The following PSD3 variants were observed in gnomAD, a reference collection of about 807,000 sequenced individuals.
PSD3 encodes the protein PH and SEC7 domain-containing protein 3.
PSD3 carries 49 observed loss-of-function variants against 105.5 expected under a neutral mutation model. That is an observed-to-expected ratio of 0.46 (90% CI 0.37 to 0.59). The LOEUF is 0.59. Ranked by LOEUF, PSD3 falls within the 20% of genes least tolerant of loss-of-function variation. The pLI, the probability that PSD3 is intolerant of heterozygous loss-of-function variation, is 0.00. For synonymous variants in PSD3, 557 were observed against 457.8 expected, an observed-to-expected ratio of 1.22 and a Z score of -2.77; for missense variants, 1,561 against 1,263.8, an observed-to-expected ratio of 1.24 and a Z score of -3.57.
intron 9 of PSD3, among the ~76,000 whole-genome samples, chr8:18,668,140 C>T (rs1025299718): frequency 6.6e-6 from 1 of 152,212 alleles, no homozygotes; most frequent in African/African-American, 2.4e-5. Flanking sequence ...CACAGTGCAG[C>T]GGCAGGCTGA....
intron 1 of PSD3, among the ~76,000 whole-genome samples, chr8:18,974,520 T>C (rs767193401): frequency 2.0e-5 from 3 of 152,156 alleles, no homozygotes; most frequent in African/African-American, 7.2e-5. Flanking sequence ...TACCAAATCC[T>C]GTGCCATTCG....
chr8:18,778,641 G>GTT (rs113707788), intron 8 of PSD3, among the ~76,000 whole-genome samples: 4 of 151,616 alleles, frequency 2.6e-5, no homozygotes, highest in African/African-American at 7.3e-5. Context: ...AATTTATTGA[G>GTT]TTTTTTTATT....
At chr8:18,936,269 T>C in intron 1 of PSD3, 127 bp from the exon 2 acceptor site, 1 of 617,566 alleles carries the variant, frequency 1.6e-6, no homozygotes, top group East Asian at 2.6e-5. Flanking sequence ...TATCTAACCA[T>C]TCAAAATGAA....
intron 2 of PSD3, among the ~76,000 whole-genome samples, chr8:18,920,788 A>G (rs1820959961): frequency 6.6e-6 from 1 of 152,118 alleles, no homozygotes; most frequent in Admixed American, 6.5e-5. Context: ...ATCACCACCT[A>G]TTAAAGGCTA....
At chr8:18,684,378 T>C (rs926944581) in intron 9 of PSD3, among the ~76,000 whole-genome samples, 4 of 152,000 alleles carry the variant, frequency 2.6e-5, no homozygotes, top group African/African-American at 9.7e-5. Context: ...AACAACCAAA[T>C]AGAGATACCA....
Position 18,938,296 on chromosome 8 carries a change from TAC to T in PSD3, c.22-2156_22-2155del, listed in dbSNP as rs574111171. Among the ~76,000 whole-genome samples the T allele has an allele frequency of 1.7e-3, 255 of 152,224 alleles. 1 individual carries two copies. Among genetic ancestry groups the T allele is most frequent in the African/African-American group, 6.0e-3 (248 of 41,556 alleles). On this transcript the variant is annotated intron_variant, in intron 1 of 15. Coordinates refer to ENST00000327040, the MANE Select transcript of PSD3 (RefSeq NM_015310.4). ...TTAAAATATATTTTGTAGGAAGAAT[TAC>T]ACAGTTTTCTGATAAACTGGATTTA...
intron 11 of PSD3, among the ~76,000 whole-genome samples, chr8:18,601,524 T>C (rs969299351): frequency 2.0e-5 from 3 of 152,150 alleles, no homozygotes; most frequent in South Asian, 4.1e-4. Flanking sequence ...ACTAGGTGAA[T>C]AGCCACTTAC....
At chr8:18,988,593 T>G (rs1265852768) in intron 1 of PSD3, among the ~76,000 whole-genome samples, 1 of 138,226 alleles carries the variant, frequency 7.2e-6, no homozygotes, top group Non-Finnish European at 1.7e-5. Context: ...AACTCAAAAA[T>G]GCTCACCCAA....
chr8:18,557,757 C>A (rs954796070), intron 14 of PSD3, among the ~76,000 whole-genome samples: 1 of 152,144 alleles, frequency 6.6e-6, no homozygotes, highest in Non-Finnish European at 1.5e-5. Context: ...ATCTCCAAAC[C>A]TATTATTTGT....
chr8:18,905,137 G>A (rs1393312406), intron 2 of PSD3, among the ~76,000 whole-genome samples: 2 of 152,192 alleles, frequency 1.3e-5, no homozygotes, highest in Non-Finnish European at 2.9e-5. Context: ...AATCCAAGCT[G>A]TTAACCATTA....
chr8:18,769,567 A>C (rs77551787), intron 8 of PSD3, among the ~76,000 whole-genome samples: 3,656 of 152,264 alleles, frequency 0.024, 114 homozygotes, highest in African/African-American at 0.075. Flanking sequence ...CACCACCACT[A>C]TCTACATTCA....
chr8:18,714,632 A>G (rs1328530510), intron 9 of PSD3, among the ~76,000 whole-genome samples: 1 of 152,226 alleles, frequency 6.6e-6, no homozygotes, highest in African/African-American at 2.4e-5. Context: ...AAGAAACAAC[A>G]GATGCTGGTG....
rs1439922389 is a variant in PSD3 at position 18,698,442 on chromosome 8, T to C, written c.2173-42757A>G. On this transcript the variant is annotated intron_variant, in intron 9 of 15. Transcript: ENST00000327040. ...CCTCACAGCGTTCTTACAAAAGAGG[T>C]TGGAGGTTCAGAGTCAGAGAAGACG... Among the ~76,000 whole-genome samples, 12 of 151,754 alleles carry C rather than the reference T, an allele frequency of 7.9e-5. No homozygotes were observed. In the South Asian group the frequency reaches 1.3e-3, roughly 16 times the overall value.
At chr8:18,745,000 G>A (rs1008941791) in intron 9 of PSD3, among the ~76,000 whole-genome samples, 1 of 152,162 alleles carries the variant, frequency 6.6e-6, no homozygotes, top group Non-Finnish European at 1.5e-5. Context: ...AATGAAGTTA[G>A]GCATTTTGGG....
intron 14 of PSD3, among the ~76,000 whole-genome samples, chr8:18,570,538 T>C (rs1259699181): frequency 2.0e-5 from 3 of 149,182 alleles, no homozygotes; most frequent in South Asian, 2.2e-4. Context: ...AGGCAACCTA[T>C]AAAATGGGAG....
chr8:18,958,767 A>G (rs1207116927), intron 1 of PSD3, among the ~76,000 whole-genome samples: 2 of 152,226 alleles, frequency 1.3e-5, no homozygotes, highest in African/African-American at 4.8e-5. Context: ...TATTATTTTA[A>G]AAATAACCTT....
intron 9 of PSD3, among the ~76,000 whole-genome samples, chr8:18,669,671 A>T (rs1430749182): frequency 6.6e-6 from 1 of 152,216 alleles, no homozygotes; most frequent in Admixed American, 6.5e-5. Context: ...ATGAGATTTA[A>T]AACTTATGAA....
At chr8:18,915,904 T>A (rs1820551466) in intron 2 of PSD3, among the ~76,000 whole-genome samples, 1 of 152,068 alleles carries the variant, frequency 6.6e-6, no homozygotes, top group South Asian at 2.1e-4. Context: ...GAGACCAGCC[T>A]GACCAACATG....
At chr8:18,992,115 T>C (rs1227975615) in intron 1 of PSD3, among the ~76,000 whole-genome samples, 2 of 152,214 alleles carry the variant, frequency 1.3e-5, no homozygotes, top group Non-Finnish European at 2.9e-5. Context: ...TTAACAGGTT[T>C]ATACCCTGTT....
Sources: allele counts gnomAD v4.1 joint callset (sites outside exome capture counted in the v4.1 genomes callset), GRCh38; gene constraint gnomAD v4.1.1; transcripts MANE v1.5; gene names NCBI Gene and HGNC (gene_info 2026-07-23, HGNC 2026-07-21).